PCDH15: variants seen among roughly 807,000 people sequenced by gnomAD.
PCDH15 encodes protocadherin-15.
A neutral mutation model predicts 178.5 loss-of-function variants in PCDH15; 129 were observed. The ratio of observed to expected loss-of-function variants is 0.72; its 90% CI spans 0.63 to 0.84. The LOEUF is 0.84. PCDH15 is among the 40% of genes least tolerant of loss of function. The pLI is 0.00. For synonymous variants in PCDH15, 800 were observed against 732.0 expected (o/e 1.09, Z -1.50); for missense variants, 2,230 against 2,099.9 (o/e 1.06, Z -1.21).
chr10:53,876,923 C>A (rs2080289914), intron 26 of PCDH15, among the ~76,000 whole-genome samples: 1 of 152,074 alleles, frequency 6.6e-6, no homozygotes, highest in African/African-American at 2.4e-5. Flanking sequence ...AAGACCTTTA[C>A]AGGGCTGGGT....
intron 2 of PCDH15, among the ~76,000 whole-genome samples, chr10:54,537,189 C>T (rs186409355): frequency 0.015 from 2,287 of 151,822 alleles, 50 homozygotes; most frequent in African/African-American, 0.053. Flanking sequence ...TCAGTAGAGA[C>T]GGGGTTTCAC....
At chr10:54,179,974 T>C (rs1158336881) in intron 13 of PCDH15, among the ~76,000 whole-genome samples, 1 of 152,208 alleles carries the variant, frequency 6.6e-6, no homozygotes, top group Non-Finnish European at 1.5e-5. Flanking sequence ...AAACTAGCAA[T>C]GTGTGGATTG....
At chr10:54,304,850 T>C (rs1298397673) in intron 8 of PCDH15, among the ~76,000 whole-genome samples, 1 of 148,794 alleles carries the variant, frequency 6.7e-6, no homozygotes, top group Non-Finnish European at 1.5e-5. Context: ...GCTGTGTCCA[T>C]AGTCTGTTTA....
intron 11 of PCDH15, among the ~76,000 whole-genome samples, chr10:54,192,845 C>T (rs1353238395): frequency 6.6e-6 from 1 of 152,124 alleles, no homozygotes; most frequent in Admixed American, 6.5e-5. Flanking sequence ...CCTCCATGTA[C>T]ATGGCATCAT....
chr10:54,765,638 C>A (rs1225111330), intron 1 of PCDH15, among the ~76,000 whole-genome samples: 2 of 152,152 alleles, frequency 1.3e-5, no homozygotes, highest in East Asian at 3.8e-4. Flanking sequence ...TGACCTTCTA[C>A]AATGTGCCAT....
chr10:53,840,172 C>T, intron 29 of PCDH15, 148 bp downstream of exon 29: 1 of 928,336 alleles, frequency 1.1e-6, no homozygotes, highest in Non-Finnish European at 1.6e-6. Flanking sequence ...GCATGAGAAT[C>T]CTAGGTATTT....
intron 20 of PCDH15, among the ~76,000 whole-genome samples, chr10:54,007,262 T>A (rs2092418280): frequency 6.6e-6 from 1 of 152,156 alleles, no homozygotes; most frequent in African/African-American, 2.4e-5. Context: ...TAGAATTTTA[T>A]TTTCACTTTC....
chr10:55,088,549 C>T (rs1040787228), intron 2 of PCDH15, among the ~76,000 whole-genome samples: 3 of 151,992 alleles, frequency 2.0e-5, no homozygotes, highest in South Asian at 2.1e-4. Context: ...GCTAGGATTA[C>T]AGGCATGAGC....
chr10:53,980,864 T>A (rs1360426374), intron 21 of PCDH15, among the ~76,000 whole-genome samples: 2 of 152,104 alleles, frequency 1.3e-5, no homozygotes, highest in Non-Finnish European at 2.9e-5. Flanking sequence ...AGGAATCAAT[T>A]TTTTTTGGTT....
chr10:55,363,763 G>C (rs993455010), intron 2 of PCDH15, among the ~76,000 whole-genome samples: 1 of 151,922 alleles, frequency 6.6e-6, no homozygotes, highest in Non-Finnish European at 1.5e-5. Flanking sequence ...AGCCTACCAA[G>C]TAGCCAGTAT....
At chr10:55,349,133 C>T (rs1472347191) in intron 2 of PCDH15, among the ~76,000 whole-genome samples, 4 of 151,982 alleles carry the variant, frequency 2.6e-5, no homozygotes, top group Non-Finnish European at 4.4e-5. Flanking sequence ...ATTATGTCTC[C>T]CATGTTTCTT....
intron 1 of PCDH15, among the ~76,000 whole-genome samples, chr10:55,285,594 C>A (rs1842848914): frequency 6.6e-6 from 1 of 150,474 alleles, no homozygotes; most frequent in South Asian, 2.1e-4. Flanking sequence ...TTTATGAAAT[C>A]TTTGTTTCTA....
At chr10:55,159,127 T>C (rs188222083) in intron 2 of PCDH15, among the ~76,000 whole-genome samples, 39 of 152,010 alleles carry the variant, frequency 2.6e-4, no homozygotes, top group African/African-American at 8.2e-4. Flanking sequence ...CTTGGGATTA[T>C]ATTTCAGATC....
intron 4 of PCDH15, among the ~76,000 whole-genome samples, 153 bp from the exon 5 acceptor site, chr10:54,369,428 GAA>G (rs895453018): frequency 1.1e-4 from 17 of 151,958 alleles, no homozygotes; most frequent in African/African-American, 3.9e-4. Context: ...AAGGACAAGA[GAA>G]GACAATCATA....
At chr10:54,003,785 C>G (rs1486272914) in intron 20 of PCDH15, among the ~76,000 whole-genome samples, 1 of 129,736 alleles carries the variant, frequency 7.7e-6, no homozygotes, top group Non-Finnish European at 1.6e-5. Context: ...TACTTTCAAA[C>G]TCATTCTATA....
chr10:54,114,296 G>A (rs4589198), intron 15 of PCDH15, among the ~76,000 whole-genome samples: 112,452 of 152,076 alleles, frequency 0.74, 42,453 homozygotes, highest in East Asian at 0.99. Flanking sequence ...TACAGAGTTA[G>A]TAAAAAACAA....
At chr10:54,656,948 T>C (rs2094416805) in intron 2 of PCDH15, among the ~76,000 whole-genome samples, 1 of 152,132 alleles carries the variant, frequency 6.6e-6, no homozygotes, top group South Asian at 2.1e-4. Flanking sequence ...ACTTTTCCAG[T>C]GGTTTTCACA....
At chr10:54,393,407 T>A (rs569410892) in intron 3 of PCDH15, among the ~76,000 whole-genome samples, 805 of 152,294 alleles carry the variant, frequency 5.3e-3, no homozygotes, top group Non-Finnish European at 7.9e-3. Context: ...ACTTACCATA[T>A]CATTTGCAGA....
At chr10:54,923,066 G>A (rs1480284272) in intron 2 of PCDH15, among the ~76,000 whole-genome samples, 1 of 88,434 alleles carries the variant, frequency 1.1e-5, no homozygotes, top group Non-Finnish European at 3.3e-5. Context: ...TCTAGGAAGA[G>A]GCTCTCAGGC....
Sources: allele counts gnomAD v4.1 joint callset (sites outside exome capture counted in the v4.1 genomes callset), GRCh38; gene constraint gnomAD v4.1.1; transcripts MANE v1.5; gene names NCBI Gene and HGNC (gene_info 2026-07-23, HGNC 2026-07-21).